The following VEGFC variants were observed in gnomAD, a reference collection of about 807,000 sequenced individuals.
VEGFC encodes the protein FLT4 ligand DHM.
Under a neutral mutation model 46.1 loss-of-function variants are expected in VEGFC, and 12 were observed. The observed-to-expected ratio is 0.26, with a 90% confidence interval of 0.17 to 0.42. The LOEUF (loss-of-function observed/expected upper bound fraction) is 0.42, where lower values mean the gene tolerates loss of function less well. Among genes scored for constraint, VEGFC ranks in the 10% least tolerant of loss-of-function variants. The pLI is 1.00. For missense variants in VEGFC, 488 were observed against 529.4 expected (o/e 0.92, Z 0.77); for synonymous variants, 232 against 195.5 (o/e 1.19, Z -1.56).
chr4:176,722,502 T>G lies in VEGFC; in HGVS notation c.552+5276A>C, dbSNP rs538211206. ...TTTTTTCTTTTGTTTTTTTTTTGTT[T>G]TTTTTTTTTTTGAGGCAGGGTCTGG... On this transcript the variant is annotated intron_variant, in intron 3 of 6. Transcript: ENST00000618562. Among the ~76,000 whole-genome samples, 666 of 149,896 alleles carry G rather than the reference T, an allele frequency of 4.4e-3. 2 individuals carry two copies. The highest frequency in any genetic ancestry group is 0.028 in the Middle Eastern group (8 of 288).
At chr4:176,743,182 A>G (rs1735204824) in intron 1 of VEGFC, among the ~76,000 whole-genome samples, 1 of 152,030 alleles carries the variant, frequency 6.6e-6, no homozygotes, top group African/African-American at 2.4e-5. Flanking sequence ...CTCCTAGCAC[A>G]TTCTCAACTT....
intron 1 of VEGFC, among the ~76,000 whole-genome samples, chr4:176,737,213 G>A (rs1735070648): frequency 6.8e-6 from 1 of 148,124 alleles, no homozygotes; most frequent in Admixed American, 6.8e-5. Context: ...ATATTATAAA[G>A]TTTGTTGAAA....
intron 1 of VEGFC, among the ~76,000 whole-genome samples, chr4:176,743,155 G>C (rs940682053): frequency 6.6e-6 from 1 of 152,008 alleles, no homozygotes; most frequent in Non-Finnish European, 1.5e-5. Flanking sequence ...CACCTGTATT[G>C]AGCAGTGCTG....
chr4:176,695,445 T>A (rs1456650773), intron 4 of VEGFC, among the ~76,000 whole-genome samples: 1 of 151,566 alleles, frequency 6.6e-6, no homozygotes, highest in Non-Finnish European at 1.5e-5. Context: ...GTTGAATCTC[T>A]GAATAGACCA....
chr4:176,709,977 T>C (rs1734595262), intron 4 of VEGFC, among the ~76,000 whole-genome samples: 1 of 151,966 alleles, frequency 6.6e-6, no homozygotes, highest in African/African-American at 2.4e-5. Context: ...AATAATCAAT[T>C]GTGTTTAGAT....
chr4:176,783,982 ACTAT>A lies in VEGFC; in HGVS notation c.147+8179_147+8182del, dbSNP rs1313026095. On this transcript the variant is annotated intron_variant, in intron 1 of 6. Coordinates refer to ENST00000618562, the MANE Select transcript of VEGFC (RefSeq NM_005429.5). The stretch of plus-strand genomic sequence containing the variant: ...CTTTGTTTGTTTTCTGATCATGAAG[ACTAT>A]CTATTTAACACAAATTTACAGAAAG... Among the ~76,000 whole-genome samples, 11 of 151,882 alleles carry A rather than the reference ACTAT, an allele frequency of 7.2e-5. No homozygotes were observed. The East Asian group carries it at 2.1e-3, about 29-fold the overall frequency.
chr4:176,694,216 T>G (rs1238280956), intron 4 of VEGFC, among the ~76,000 whole-genome samples: 1 of 151,004 alleles, frequency 6.6e-6, no homozygotes, highest in African/African-American at 2.4e-5. Context: ...CCCATCAGTG[T>G]GCTGTATTCA....
chr4:176,729,076 T>C (rs1419081749), intron 2 of VEGFC, among the ~76,000 whole-genome samples: 9 of 152,190 alleles, frequency 5.9e-5, no homozygotes, highest in Admixed American at 5.9e-4. Flanking sequence ...AGATACCTCA[T>C]CAGCTTAAGT....
intron 1 of VEGFC, among the ~76,000 whole-genome samples, chr4:176,758,027 T>C (rs1478401852): frequency 6.6e-6 from 1 of 152,164 alleles, no homozygotes; most frequent in African/African-American, 2.4e-5. Context: ...ATTCTACTTC[T>C]CAACACTTTC....
At chr4:176,791,731 C>A (rs760123484) in intron 1 of VEGFC, among the ~76,000 whole-genome samples, 26 of 152,148 alleles carry the variant, frequency 1.7e-4, no homozygotes, top group Admixed American at 3.9e-4. Flanking sequence ...TATGAACACT[C>A]CAGGAAAGTA....
At chr4:176,732,072 T>C (rs1230680443) in intron 1 of VEGFC, among the ~76,000 whole-genome samples, 1 of 151,894 alleles carries the variant, frequency 6.6e-6, no homozygotes, top group Non-Finnish European at 1.5e-5. Context: ...ATGAAAATTT[T>C]TGTATGGCAG....
At chr4:176,719,221 T>C (rs1218792998) in intron 3 of VEGFC, among the ~76,000 whole-genome samples, 4 of 152,232 alleles carry the variant, frequency 2.6e-5, no homozygotes, top group African/African-American at 7.2e-5. Context: ...CTAAGGTACA[T>C]TGTCCTTACA....
In VEGFC at chr4:176,707,320, CTTGT is replaced by C. The variant is rs1734551533; in HGVS notation, c.704+4175_704+4178del. Among the ~76,000 whole-genome samples the C allele has an allele frequency of 5.9e-5, 9 of 152,272 alleles. No individual in the cohort carries two copies. The East Asian group carries it at 1.7e-3, about 29-fold the overall frequency. On this transcript the variant is annotated intron_variant, in intron 4 of 6. Coordinates refer to ENST00000618562, the MANE Select transcript of VEGFC (RefSeq NM_005429.5). ...GTTTTGGTTGCACCACATTCTAACACTTGTTTTTGTCAGTGTTTTTAATTTTAGC... is the reference window on the plus strand; with the variant it reads ...GTTTTGGTTGCACCACATTCTAACACTTTTGTCAGTGTTTTTAATTTTAGC...
At chr4:176,686,246 T>G (rs1338162406) in intron 6 of VEGFC, among the ~76,000 whole-genome samples, 1 of 152,140 alleles carries the variant, frequency 6.6e-6, no homozygotes, top group Non-Finnish European at 1.5e-5. Context: ...ATGAGGCCAA[T>G]GAAACGTTAA....
chr4:176,691,122 T>C (rs1002125301), intron 4 of VEGFC, among the ~76,000 whole-genome samples: 1 of 152,048 alleles, frequency 6.6e-6, no homozygotes, highest in South Asian at 2.1e-4. Flanking sequence ...CAGGCAAAAA[T>C]GGTGGGCAGG....
chr4:176,686,609 C>T (rs756178296), intron 6 of VEGFC, among the ~76,000 whole-genome samples: 3 of 151,982 alleles, frequency 2.0e-5, no homozygotes, highest in Non-Finnish European at 2.9e-5. Flanking sequence ...GAAGAGGTTT[C>T]GGGATTAACA....
intron 4 of VEGFC, among the ~76,000 whole-genome samples, chr4:176,709,175 C>T (rs1185078058): frequency 6.6e-6 from 1 of 152,124 alleles, no homozygotes; most frequent in African/African-American, 2.4e-5. Flanking sequence ...ATTTAACAAG[C>T]ATTTATGTAC....
At chr4:176,763,413 T>A (rs930577298) in intron 1 of VEGFC, among the ~76,000 whole-genome samples, 9 of 152,012 alleles carry the variant, frequency 5.9e-5, no homozygotes, top group African/African-American at 1.9e-4. Flanking sequence ...ATAAAGCAAG[T>A]TATAATAATG....
At chr4:176,736,971 AATG>A (rs1270283113) in intron 1 of VEGFC, among the ~76,000 whole-genome samples, 3 of 151,250 alleles carry the variant, frequency 2.0e-5, no homozygotes, top group Non-Finnish European at 1.5e-5. Context: ...CAGTTCAACA[AATG>A]ATAACTAATG....
Sources: allele counts gnomAD v4.1 joint callset (sites outside exome capture counted in the v4.1 genomes callset), GRCh38; gene constraint gnomAD v4.1.1; transcripts MANE v1.5; gene names NCBI Gene and HGNC (gene_info 2026-07-23, HGNC 2026-07-21).